The following SH3D19 variants were observed in gnomAD, a reference collection of about 807,000 sequenced individuals.
SH3D19 encodes the protein SH3 domain-containing protein 19.
Under a neutral mutation model 112.1 loss-of-function variants are expected in SH3D19, and 58 were observed. The ratio of observed to expected loss-of-function variants is 0.52; its 90% CI spans 0.42 to 0.64. The LOEUF is 0.64. Ranked by LOEUF, SH3D19 falls within the 30% of genes least tolerant of loss-of-function variation. The pLI, the probability that SH3D19 is intolerant of heterozygous loss-of-function variation, is 0.00. For missense variants in SH3D19, 1,090 were observed against 1,263.4 expected (o/e 0.86, Z 2.08); for synonymous variants, 391 against 448.5 (o/e 0.87, Z 1.62).
At chr4:151,272,080 C>T (rs978883982) in intron 1 of SH3D19, among the ~76,000 whole-genome samples, 6 of 152,082 alleles carry the variant, frequency 3.9e-5, no homozygotes, top group Non-Finnish European at 8.8e-5. Context: ...TTTGGCACTT[C>T]CTTATAAGAG....
At chr4:151,166,004 G>A (rs1579908829) in intron 7 of SH3D19, 3 of 231,658 alleles carry the variant, frequency 1.3e-5, no homozygotes, top group South Asian at 6.5e-5. Flanking sequence ...CTGAAAATGA[G>A]GGGCAACTGA....
intron 2 of SH3D19, among the ~76,000 whole-genome samples, chr4:151,199,546 G>A (rs1764094867): frequency 6.6e-6 from 1 of 152,128 alleles, no homozygotes; most frequent in Non-Finnish European, 1.5e-5. Flanking sequence ...AAACTCATTT[G>A]GCAGCATACT....
At chr4:151,150,274 T>C (rs868121156) in intron 9 of SH3D19, among the ~76,000 whole-genome samples, 3 of 133,474 alleles carry the variant, frequency 2.2e-5, no homozygotes, top group Non-Finnish European at 4.7e-5. Context: ...TACATATATA[T>C]ACACACACAT....
At chr4:151,265,256 A>C (rs1048037696) in intron 1 of SH3D19, among the ~76,000 whole-genome samples, 15 of 152,274 alleles carry the variant, frequency 9.9e-5, no homozygotes, top group African/African-American at 2.6e-4. Context: ...GCAGATGACA[A>C]CACCACAGAA....
intron 2 of SH3D19, among the ~76,000 whole-genome samples, chr4:151,201,699 T>A (rs559677045): frequency 1.8e-3 from 271 of 152,142 alleles, no homozygotes; most frequent in Non-Finnish European, 2.9e-3. Flanking sequence ...GAGGGTAAAG[T>A]ATAATCAAAC....
At chr4:151,282,254 T>G (rs1187408460) in intron 1 of SH3D19, 3 of 1,613,830 alleles carry the variant, frequency 1.9e-6, no homozygotes, top group African/African-American at 2.7e-5. Flanking sequence ...CCATCCCAAG[T>G]ACCAAGATAC....
intron 9 of SH3D19, among the ~76,000 whole-genome samples, chr4:151,155,678 G>T (rs555966474): frequency 1.5e-4 from 23 of 152,260 alleles, no homozygotes; most frequent in Non-Finnish European, 2.6e-4. Flanking sequence ...TTGAGGTCAG[G>T]AGTTCAAGAC....
chr4:151,188,059 C>T (rs909292018), intron 2 of SH3D19, among the ~76,000 whole-genome samples: 1 of 152,158 alleles, frequency 6.6e-6, no homozygotes, highest in African/African-American at 2.4e-5. Context: ...CTGCCTTTCA[C>T]CATGGGATGA....
At chr4:151,171,985 A>G (rs1050689205) in intron 7 of SH3D19, among the ~76,000 whole-genome samples, 1 of 152,210 alleles carries the variant, frequency 6.6e-6, no homozygotes, top group Non-Finnish European at 1.5e-5. Context: ...CAATGTTTTC[A>G]TAGCTTCAGT....
chr4:151,222,797 C>T (rs1768312917), intron 2 of SH3D19, among the ~76,000 whole-genome samples: 3 of 151,242 alleles, frequency 2.0e-5, no homozygotes, highest in African/African-American at 7.3e-5. Context: ...CTTGGCCTCA[C>T]AAGTAGCTGG....
chr4:151,149,330 C>G (rs1020075904), intron 10 of SH3D19, among the ~76,000 whole-genome samples, 170 bp downstream of exon 10: 8 of 152,134 alleles, frequency 5.3e-5, no homozygotes, highest in Non-Finnish European at 1.0e-4. Context: ...CAGAGATTCC[C>G]ACAACCTACC....
At chr4:151,255,908 C>G (rs899521860) in intron 1 of SH3D19, among the ~76,000 whole-genome samples, 2 of 151,920 alleles carry the variant, frequency 1.3e-5, no homozygotes, top group Non-Finnish European at 2.9e-5. Context: ...CGCAGGCATT[C>G]GGCAGGCTGT....
At chr4:151,150,206 A>AAT (rs1554037659) in intron 9 of SH3D19, among the ~76,000 whole-genome samples, 2,949 of 45,880 alleles carry the variant, frequency 0.064, 278 homozygotes, top group East Asian at 0.11. Context: ...AAAAAAAAAA[A>AAT]ATATATATAT....
chr4:151,226,169 A>G (rs1768960791), intron 1 of SH3D19, 83 bp from the exon 2 acceptor site: 2 of 1,230,172 alleles, frequency 1.6e-6, no homozygotes, highest in Admixed American at 4.2e-5. Context: ...CTGCCATACC[A>G]TTAGATTTCA....
At chr4:151,181,698 G>A (rs1379436610) in intron 3 of SH3D19, 2 of 151,998 alleles carry the variant, frequency 1.3e-5, no homozygotes, top group Non-Finnish European at 2.9e-5. Context: ...CCTCTTCCAC[G>A]GGGCATTTTT....
chr4:151,165,250 G>A (rs974836991), intron 8 of SH3D19, among the ~76,000 whole-genome samples: 1 of 152,152 alleles, frequency 6.6e-6, no homozygotes, highest in Non-Finnish European at 1.5e-5. Flanking sequence ...GCTAAGACAG[G>A]AGAATTGCTT....
At chr4:151,244,035 T>G (rs558126855) in intron 1 of SH3D19, among the ~76,000 whole-genome samples, 1 of 152,190 alleles carries the variant, frequency 6.6e-6, no homozygotes, top group Non-Finnish European at 1.5e-5. Context: ...TATCAGGTGT[T>G]GATTGGAAGG....
At chr4:151,153,741 T>C (rs1417566243) in intron 9 of SH3D19, among the ~76,000 whole-genome samples, 1 of 152,202 alleles carries the variant, frequency 6.6e-6, no homozygotes, top group African/African-American at 2.4e-5. Context: ...GTGTTTATTA[T>C]GGTATGCATT....
chr4:151,310,557 G>A (rs1729345956), intron 1 of SH3D19, among the ~76,000 whole-genome samples: 1 of 151,064 alleles, frequency 6.6e-6, no homozygotes, highest in African/African-American at 2.4e-5. Flanking sequence ...ATATCCAAAG[G>A]AAATAAATCA....
Sources: allele counts gnomAD v4.1 joint callset (sites outside exome capture counted in the v4.1 genomes callset), GRCh38; gene constraint gnomAD v4.1.1; transcripts MANE v1.5; gene names NCBI Gene and HGNC (gene_info 2026-07-23, HGNC 2026-07-21).